IFI44L: variants seen among roughly 807,000 people sequenced by gnomAD.
The protein encoded by IFI44L is interferon induced protein 44 like.
In IFI44L, 40 loss-of-function variants were observed where a neutral mutation model predicts 39.3. That is an observed-to-expected ratio of 1.02 (90% CI 0.79 to 1.33). The LOEUF is 1.33. Ranked by LOEUF, IFI44L falls within the 40% of genes most tolerant of loss-of-function variation. IFI44L has a pLI of 0.00. For synonymous variants in IFI44L, 198 were observed against 182.3 expected (o/e 1.09, Z -0.69); for missense variants, 623 against 549.0 (o/e 1.13, Z -1.35).
chr1:78,636,706 A>G (rs1652962817), intron 5 of IFI44L: 2 of 218,618 alleles, frequency 9.1e-6, no homozygotes, highest in African/African-American at 4.6e-5. Context: ...ATTGTATTTA[A>G]CAAACGTTAA....
chr1:78,623,736 T>TGGGAACTGA (rs902389535), intron 1 of IFI44L, among the ~76,000 whole-genome samples: 1 of 151,994 alleles, frequency 6.6e-6, no homozygotes, highest in African/African-American at 2.4e-5. Context: ...CTGGGAACTG[T>TGGGAACTGA]GGGAACTGAG....
intron 4 of IFI44L, chr1:78,631,527 TA>T (rs1436441398): frequency 6.6e-6 from 1 of 152,190 alleles, no homozygotes; most frequent in Non-Finnish European, 1.5e-5. Flanking sequence ...AAATTGTAAT[TA>T]AAGTGTCTCT....
rs199785880 is a variant in IFI44L at position 78,643,652 on chromosome 1, GT to G, written c.*1858del. 24,040 of 95,610 alleles carry G rather than the reference GT, an allele frequency of 0.25. 1,788 individuals carry two copies. Among genetic ancestry groups the G allele is most frequent in the East Asian group, 0.54 (1,936 of 3,584 alleles). 5.9% of individuals were successfully genotyped at this position (95,610 alleles called of 1,614,324 possible). ...TTTGTTTTGTTTTTTTTTTGTTGTT[GT>G]TTTTTTTTTTTTTTGTTTTTTTGCT... On this transcript the variant is annotated 3_prime_UTR_variant, in exon 9 of 9. Transcript: ENST00000370751.
intron 2 of IFI44L, 117 bp from the exon 3 acceptor site, chr1:78,628,834 G>T: frequency 1.5e-6 from 1 of 666,940 alleles, no homozygotes; most frequent in South Asian, 1.9e-5. Context: ...ACTCCTAACT[G>T]AGCAGCTCAG....
At chr1:78,626,699 C>T (rs563843556) in intron 1 of IFI44L, 18 of 151,854 alleles carry the variant, frequency 1.2e-4, no homozygotes, top group Admixed American at 2.0e-4. Flanking sequence ...AATTTTATTT[C>T]AACAGCATTT....
At position 78,629,887 on chromosome 1, in the gene IFI44L, G is replaced by T. The variant is rs75931592; in HGVS notation, c.695G>T (p.Gly232Val). ...CATGTGACTGGCCAAGCCGTAGTGG[G>T]GTCTGATATCACCAGCATAACCGAG... ...HGHVTGQAVV[G>V]SDITSITERY... is the part of the protein sequence containing the mutation. The change falls in exon 4 of 9, where the codon GGG (glycine) becomes GTG (valine). Residue 232 changes from glycine (G) to valine (V), a missense_variant. Physicochemically the swap from Gly to Val is moderately radical, Grantham distance 109. Coordinates refer to ENST00000370751, the MANE Select transcript of IFI44L (RefSeq NM_006820.4). 4 of 1,613,452 alleles carry T rather than the reference G, an allele frequency of 2.5e-6. No homozygotes were observed. In the African/African-American group the frequency reaches 5.3e-5, roughly 22 times the overall value.
intron 6 of IFI44L, among the ~76,000 whole-genome samples, chr1:78,637,798 G>A (rs1284451986): frequency 1.3e-5 from 2 of 151,890 alleles, no homozygotes. Flanking sequence ...TGTATTTATT[G>A]TTCATTTAAA....
chr1:78,641,349 G>C, intron 7 of IFI44L, 86 bp from the exon 8 acceptor site: 1 of 1,247,954 alleles, frequency 8.0e-7, no homozygotes, highest in Non-Finnish European at 1.1e-6. Flanking sequence ...TTGCTTTTTT[G>C]GTTTCTTTCT....
Position 78,634,986 on chromosome 1 carries a change from T to TTA in IFI44L, c.724-337_724-336dup, listed in dbSNP as rs542117055. Among the ~76,000 whole-genome samples the TTA allele has an allele frequency of 6.4e-4, 88 of 137,468 alleles. 1 individual carries two copies. The highest frequency in any genetic ancestry group is 3.8e-3 in the Middle Eastern group (1 of 262). 90.2% of individuals were successfully genotyped at this position (137,468 alleles called of 152,430 possible). ...AAAAGCATGGAGTCAAAACATACCA[T>TTA]TATATATATATATATGTGTGTGTGT... On this transcript the variant is annotated intron_variant, in intron 4 of 8. Transcript: ENST00000370751.
chr1:78,628,252 G>C lies in IFI44L; in HGVS notation c.337G>C (p.Val113Leu). Residue 113 changes from valine (V) to leucine (L), a missense_variant, in exon 2 of 9, where the codon GTG (valine) becomes CTG (leucine). By Grantham distance (32) the Val-to-Leu change is conservative (BLOSUM62 1). Transcript: ENST00000370751. ...TAPKIIDEQL[V>L]CRLSKTDIFI... is the part of the protein sequence containing the mutation. ...ACCAAAAATTATTGATGAGCAACTG[G>C]TGTGTCGTTTATCGAAAACGGATAT... is the stretch of plus-strand genomic sequence containing the variant. The C allele has an allele frequency of 1.2e-6, 2 of 1,611,568 alleles. No individual in the cohort carries two copies. The highest frequency in any genetic ancestry group is 1.3e-5 in the African/African-American group (1 of 74,936).
In IFI44L at chr1:78,642,084, T is replaced by C. The variant is rs1191000382; in HGVS notation, c.*275T>C. The C allele has an allele frequency of 1.6e-5, 9 of 549,108 alleles. No individual in the cohort carries two copies. Among genetic ancestry groups the C allele is most frequent in the Non-Finnish European group, 2.9e-5 (9 of 306,216 alleles). The allele number at this position is 549,108 out of a possible 1,614,324, so 34.0% of individuals were successfully genotyped here. On this transcript the variant is annotated 3_prime_UTR_variant, in exon 9 of 9. Transcript: ENST00000370751. Reference sequence around the variant, plus strand: ...ACTGGAGGAAAAATGAGATATTCTCTAATTTATTCTTCTATAACACTCTAT... The same window carrying C: ...ACTGGAGGAAAAATGAGATATTCTCCAATTTATTCTTCTATAACACTCTAT...
chr1:78,627,922 G>A lies in IFI44L; in HGVS notation c.7G>A (p.Val3Met). The change falls in exon 2 of 9, where the codon GTG (valine) becomes ATG (methionine). Residue 3 changes from valine (V) to methionine (M), a missense_variant. Val to Met is a conservative substitution (Grantham distance 21). Transcript: ENST00000370751. ...TTCCATTAGATATAGAACAATGGAAGTGACAACAAGATTGACATGGAATGA... is the reference window on the plus strand; with the variant it reads ...TTCCATTAGATATAGAACAATGGAAATGACAACAAGATTGACATGGAATGA... ME[V>M]TTRLTWNDEN... is the part of the protein sequence containing the mutation. The A allele has an allele frequency of 1.3e-6, 2 of 1,587,216 alleles. No homozygotes were observed. Among genetic ancestry groups the A allele is most frequent in the South Asian group, 1.2e-5 (1 of 86,560 alleles).
intron 5 of IFI44L, chr1:78,636,783 C>A: frequency 2.5e-6 from 1 of 393,510 alleles, no homozygotes. Flanking sequence ...AACTTTCCTG[C>A]AATACTTACA....
At chr1:78,626,844 C>T (rs2100479429) in intron 1 of IFI44L, 1 of 151,922 alleles carries the variant, frequency 6.6e-6, no homozygotes, top group South Asian at 2.1e-4. Flanking sequence ...CCTCTTCCAT[C>T]CTCTCCTTTC....
At chr1:78,639,275 A>G (rs757555586) in intron 6 of IFI44L, among the ~76,000 whole-genome samples, 7 of 152,064 alleles carry the variant, frequency 4.6e-5, no homozygotes, top group Non-Finnish European at 8.8e-5. Flanking sequence ...CTGGCTCCCT[A>G]CATTTTTTTC....
At chr1:78,623,681 A>T (rs1196204936) in intron 1 of IFI44L, among the ~76,000 whole-genome samples, 2 of 152,144 alleles carry the variant, frequency 1.3e-5, no homozygotes, top group Non-Finnish European at 2.9e-5. Flanking sequence ...AATGCCTGAG[A>T]ACTGGTGGAG....
intron 1 of IFI44L, chr1:78,627,543 A>G (rs1287383115): frequency 1.3e-5 from 2 of 155,304 alleles, no homozygotes; most frequent in African/African-American, 2.4e-5. Flanking sequence ...TTTGTATTAC[A>G]GTGGCAAAGT....
intron 1 of IFI44L, among the ~76,000 whole-genome samples, chr1:78,623,915 G>A (rs116513266): frequency 0.019 from 2,825 of 152,194 alleles, 44 homozygotes; most frequent in South Asian, 0.041. Context: ...AGCTCATGTT[G>A]GATCTTTTTT....
At chr1:78,637,333 G>A (rs1570365097) in intron 6 of IFI44L, 130 bp downstream of exon 6, 2 of 646,886 alleles carry the variant, frequency 3.1e-6, no homozygotes, top group East Asian at 6.3e-5. Context: ...GCCATCGGAG[G>A]GAGAGATCAT....
Sources: gnomAD v4.1 joint callset for allele counts (sites outside exome capture counted in the v4.1 genomes callset) on GRCh38, gnomAD v4.1.1 for gene constraint, MANE v1.5 for transcripts, NCBI Gene and HGNC (gene_info 2026-07-23, HGNC 2026-07-21) for gene names.